The following NTM variants were observed in gnomAD, a reference collection of about 807,000 sequenced individuals.
NTM encodes the protein IgLON family member 2.
A neutral mutation model predicts 42.1 loss-of-function variants in NTM; 13 were observed. That is an observed-to-expected ratio of 0.31 (90% CI 0.20 to 0.49). The LOEUF is 0.49. Among genes scored for constraint, NTM ranks in the 20% least tolerant of loss-of-function variants. The pLI is 0.99. For missense variants in NTM, 373 were observed against 452.8 expected (o/e 0.82, Z 1.60); for synonymous variants, 187 against 179.2 (o/e 1.04, Z -0.35).
intron 1 of NTM, among the ~76,000 whole-genome samples, chr11:131,627,695 C>G (rs12419185): frequency 0.1 from 15,879 of 152,002 alleles, 2,272 homozygotes; most frequent in African/African-American, 0.33. Flanking sequence ...CACAGGCATG[C>G]TGGTGCATGC....
intron 2 of NTM, among the ~76,000 whole-genome samples, chr11:131,929,001 T>C (rs1319656727): frequency 1.3e-5 from 2 of 152,272 alleles, no homozygotes; most frequent in African/African-American, 4.8e-5. Context: ...CATTCAATTA[T>C]TTCTTCAGGA....
chr11:131,893,092 C>T (rs371450972), intron 1 of NTM, among the ~76,000 whole-genome samples: 5 of 152,218 alleles, frequency 3.3e-5, no homozygotes, highest in African/African-American at 9.6e-5. Context: ...ATATTCAGCC[C>T]GAATGTAGGA....
intron 1 of NTM, among the ~76,000 whole-genome samples, chr11:131,789,752 C>G (rs1049351673): frequency 6.6e-6 from 1 of 150,752 alleles, no homozygotes; most frequent in Non-Finnish European, 1.5e-5. Flanking sequence ...GTCAGGAGAT[C>G]AAGACCATCC....
chr11:131,643,555 C>A (rs554632510), intron 1 of NTM, among the ~76,000 whole-genome samples: 4 of 152,192 alleles, frequency 2.6e-5, no homozygotes. Context: ...CTCTCTCTCT[C>A]GTGTCGCACA....
At chr11:131,502,699 G>C (rs958323488) in intron 1 of NTM, 1 of 152,184 alleles carries the variant, frequency 6.6e-6, no homozygotes, top group Admixed American at 6.6e-5. Flanking sequence ...TGAAGTCATC[G>C]TCTGTAACTA....
At chr11:131,373,186 T>C (rs1941458199) in intron 1 of NTM, among the ~76,000 whole-genome samples, 1 of 152,172 alleles carries the variant, frequency 6.6e-6, no homozygotes, top group African/African-American at 2.4e-5. Flanking sequence ...GAAGCTGAAG[T>C]CTGCCAGCTA....
At chr11:131,528,703 T>C (rs2050834417) in intron 1 of NTM, among the ~76,000 whole-genome samples, 1 of 152,194 alleles carries the variant, frequency 6.6e-6, no homozygotes, top group Admixed American at 6.5e-5. Flanking sequence ...CAGATCCCAG[T>C]ACAGAGTAAG....
intron 1 of NTM, among the ~76,000 whole-genome samples, chr11:131,521,320 TAAA>T (rs2049641925): frequency 1.8e-5 from 1 of 56,142 alleles, no homozygotes; most frequent in African/African-American, 1.0e-4. Flanking sequence ...ATCTCAGAAA[TAAA>T]TAAATAAATA....
chr11:131,970,483 G>A (rs995024610), intron 2 of NTM, among the ~76,000 whole-genome samples: 1 of 152,200 alleles, frequency 6.6e-6, no homozygotes, highest in African/African-American at 2.4e-5. Flanking sequence ...TGGGCCACCT[G>A]ATTCCTAGCT....
Position 132,161,356 on chromosome 11 carries a change from G to A in NTM, c.400+14842G>A, listed in dbSNP as rs78161505. On this transcript the variant is annotated intron_variant, in intron 3 of 8. Coordinates refer to ENST00000683400, the MANE Select transcript of NTM (RefSeq NM_001352005.2). ...AGCTCTTGGAGGCTGTTTCTCATTT[G>A]GTCTTTCGAGCAGCTTTTTTTTTTT... 9.1e-3 allele frequency among the ~76,000 whole-genome samples: 1,192 copies of A among 131,276 alleles called. 18 individuals carry two copies. The highest frequency in any genetic ancestry group is 0.031 in the African/African-American group (1,074 of 34,716). 86.1% of individuals were successfully genotyped at this position (131,276 alleles called of 152,430 possible).
chr11:131,615,895 C>T (rs906166), intron 1 of NTM, among the ~76,000 whole-genome samples: 101,903 of 152,184 alleles, frequency 0.67, 34,468 homozygotes, highest in African/African-American at 0.76. Context: ...CCAGTGAACA[C>T]GGCAGGACCT....
chr11:131,401,082 C>T (rs12808011), intron 1 of NTM, among the ~76,000 whole-genome samples: 4,646 of 150,746 alleles, frequency 0.031, 91 homozygotes, highest in Middle Eastern at 0.055. Context: ...CAGAGAGAGA[C>T]AGGAGAAGTG....
intron 1 of NTM, among the ~76,000 whole-genome samples, chr11:131,664,504 C>G (rs1243025748): frequency 6.6e-6 from 1 of 152,138 alleles, no homozygotes; most frequent in Non-Finnish European, 1.5e-5. Flanking sequence ...CAAAATTAGC[C>G]TGCCAATCAC....
rs546034137 is a variant in NTM at position 132,063,962 on chromosome 11, G to T, written c.168-82320G>T. On this transcript the variant is annotated intron_variant, in intron 2 of 8. Transcript: ENST00000683400. ...AACATGACCCACAAAGCAACACAAA[G>T]TTAAGGAGCAGGGTGCTGTGTACTT... Among the ~76,000 whole-genome samples, 5 of 152,284 alleles carry T rather than the reference G, an allele frequency of 3.3e-5. 1 individual carries two copies. The South Asian group carries it at 1.0e-3, about 32-fold the overall frequency.
At chr11:132,168,535 C>A (rs2075633983) in intron 3 of NTM, among the ~76,000 whole-genome samples, 1 of 152,230 alleles carries the variant, frequency 6.6e-6, no homozygotes, top group Non-Finnish European at 1.5e-5. Context: ...TCCAATCCAT[C>A]CTGCCAACTC....
intron 1 of NTM, among the ~76,000 whole-genome samples, chr11:131,565,489 C>T (rs1459402719): frequency 6.6e-6 from 1 of 152,168 alleles, no homozygotes; most frequent in Non-Finnish European, 1.5e-5. Context: ...TTGTACACAG[C>T]TCGGTTGCTG....
At chr11:131,903,290 A>C (rs2053423599) in intron 1 of NTM, among the ~76,000 whole-genome samples, 2 of 152,258 alleles carry the variant, frequency 1.3e-5, no homozygotes, top group Non-Finnish European at 2.9e-5. Flanking sequence ...CATAGACTGT[A>C]TCTAGATAGC....
At chr11:132,082,232 A>G (rs2059163637) in intron 2 of NTM, among the ~76,000 whole-genome samples, 1 of 152,072 alleles carries the variant, frequency 6.6e-6, no homozygotes, top group Admixed American at 6.6e-5. Flanking sequence ...CATGACCAGG[A>G]AAAATTAGGC....
At position 131,496,055 on chromosome 11, in the gene NTM, T is replaced by G. The variant is rs1050974289; in HGVS notation, c.82+125167T>G. On this transcript the variant is annotated intron_variant, in intron 1 of 8. Transcript: ENST00000683400. ...TCATTAGGATTGAAGGAAAGATGAC[T>G]TCTGTGGAAGCCAGTGAATGTCCCT... Among the ~76,000 whole-genome samples, 5 of 152,204 alleles carry G rather than the reference T, an allele frequency of 3.3e-5. No homozygotes were observed. In the East Asian group the frequency reaches 7.7e-4, roughly 23 times the overall value.
Sources: allele counts gnomAD v4.1 joint callset (sites outside exome capture counted in the v4.1 genomes callset), GRCh38; gene constraint gnomAD v4.1.1; transcripts MANE v1.5; gene names NCBI Gene and HGNC (gene_info 2026-07-23, HGNC 2026-07-21).